ZCWPW2: variants seen among roughly 807,000 people sequenced by gnomAD.
ZCWPW2 encodes zinc finger CW-type PWWP domain protein 2.
A neutral mutation model predicts 46.6 loss-of-function variants in ZCWPW2; 45 were observed. The ratio of observed to expected loss-of-function variants is 0.96; its 90% CI spans 0.76 to 1.24. ZCWPW2 has a LOEUF of 1.24. Among genes scored for constraint, ZCWPW2 ranks in the 50% most tolerant of loss-of-function variants. The pLI, the probability that ZCWPW2 is intolerant of heterozygous loss-of-function variation, is 0.00. For synonymous variants in ZCWPW2, 152 were observed against 137.1 expected, an observed-to-expected ratio of 1.11 and a Z score of -0.76; for missense variants, 429 against 403.9, an observed-to-expected ratio of 1.06 and a Z score of -0.53.
At position 28,387,352 on chromosome 3, in the gene ZCWPW2, A is replaced by G. The variant is rs1018400947; in HGVS notation, c.-133-3146A>G. Among the ~76,000 whole-genome samples, 3 of 152,130 alleles carry G rather than the reference A, an allele frequency of 2.0e-5. No homozygotes were observed. In the South Asian group the frequency reaches 6.2e-4, roughly 32 times the overall value. On this transcript the variant is annotated intron_variant, in intron 1 of 9. Transcript: ENST00000383768. ...AGATCTGAGGGTACTATTTTTTTAA[A>G]AAATTATATATTTTAGAAGATATGA...
chr3:28,449,086 G>T (rs114091978), intron 4 of ZCWPW2, among the ~76,000 whole-genome samples: 1 of 152,066 alleles, frequency 6.6e-6, no homozygotes, highest in African/African-American at 2.4e-5. Context: ...AAATTCTCAC[G>T]TAAATAGTCA....
At chr3:28,477,923 G>C (rs769535234) in intron 4 of ZCWPW2, among the ~76,000 whole-genome samples, 1 of 151,864 alleles carries the variant, frequency 6.6e-6, no homozygotes, top group Non-Finnish European at 1.5e-5. Flanking sequence ...AACATTATTG[G>C]ACTAGGTCAA....
At chr3:28,397,758 TA>T (rs1695762451) in intron 2 of ZCWPW2, among the ~76,000 whole-genome samples, 1 of 152,216 alleles carries the variant, frequency 6.6e-6, no homozygotes, top group Non-Finnish European at 1.5e-5. Context: ...AGACTTTTCT[TA>T]CTTTTTATTT....
intron 2 of ZCWPW2, among the ~76,000 whole-genome samples, chr3:28,395,907 T>A (rs537072263): frequency 1.3e-5 from 2 of 152,202 alleles, no homozygotes; most frequent in Non-Finnish European, 2.9e-5. Flanking sequence ...TCAGAAAAAA[T>A]AATAGATAAC....
intron 6 of ZCWPW2, among the ~76,000 whole-genome samples, chr3:28,507,874 TA>T (rs935988139): frequency 1.3e-5 from 2 of 152,120 alleles, no homozygotes; most frequent in African/African-American, 2.4e-5. Context: ...TTAAGAGAGG[TA>T]AAAAAACCCT....
intron 1 of ZCWPW2, among the ~76,000 whole-genome samples, chr3:28,374,947 C>T (rs559401248): frequency 1.5e-4 from 23 of 149,516 alleles, no homozygotes; most frequent in African/African-American, 3.0e-4. Context: ...TATTATATTA[C>T]GGTCTCTCTC....
chr3:28,484,181 TC>T (rs1481185424), intron 5 of ZCWPW2, among the ~76,000 whole-genome samples: 1 of 152,100 alleles, frequency 6.6e-6, no homozygotes, highest in Non-Finnish European at 1.5e-5. Flanking sequence ...TTTTTTTTTT[TC>T]ATACGCTTTT....
At chr3:28,377,589 A>G (rs1036371625) in intron 1 of ZCWPW2, among the ~76,000 whole-genome samples, 56 of 152,214 alleles carry the variant, frequency 3.7e-4, no homozygotes, top group African/African-American at 1.3e-3. Context: ...TATGACTTCC[A>G]TGACAATATA....
chr3:28,426,253 A>T (rs1466306216), intron 3 of ZCWPW2, among the ~76,000 whole-genome samples: 3 of 151,950 alleles, frequency 2.0e-5, no homozygotes, highest in Non-Finnish European at 2.9e-5. Flanking sequence ...TGTTTTTTTA[A>T]AAATTGATCA....
chr3:28,455,459 C>A (rs982052306), intron 4 of ZCWPW2, among the ~76,000 whole-genome samples: 1 of 152,078 alleles, frequency 6.6e-6, no homozygotes, highest in African/African-American at 2.4e-5. Flanking sequence ...TTGATAGTTT[C>A]TTTTGCTGTA....
chr3:28,354,058 G>A (rs2125686479), intron 1 of ZCWPW2, among the ~76,000 whole-genome samples: 1 of 152,226 alleles, frequency 6.6e-6, no homozygotes, highest in South Asian at 2.1e-4. Flanking sequence ...GATGAAATAG[G>A]CAAAATGGCT....
chr3:28,524,828 T>C lies in ZCWPW2; in HGVS notation c.*140T>C. ...TTTGCGGTAACTTTCTACTTCATAT[T>C]TTGAGAATGGCCATGATTTTTAGAG... On this transcript the variant is annotated 3_prime_UTR_variant, in exon 10 of 10. Coordinates refer to ENST00000383768, the MANE Select transcript of ZCWPW2 (RefSeq NM_001040432.4). The C allele has an allele frequency of 4.3e-6, 3 of 695,734 alleles. No individual in the cohort carries two copies. Among genetic ancestry groups the C allele is most frequent in the Non-Finnish European group, 6.0e-6 (3 of 499,938 alleles). 43.1% of individuals were successfully genotyped at this position (695,734 alleles called of 1,614,324 possible).
rs550774000 is a variant in ZCWPW2, at chr3:28,369,530, G to A, written c.-134+20327G>A. Among the ~76,000 whole-genome samples, 3 of 152,282 alleles carry A rather than the reference G, an allele frequency of 2.0e-5. No homozygotes were observed. In the South Asian group the frequency reaches 6.2e-4, roughly 32 times the overall value. On this transcript the variant is annotated intron_variant, in intron 1 of 9. Transcript: ENST00000383768. Reference sequence around the variant, plus strand: ...ATTCCTCTGGAAGTTTTGTCTCAGAGGAGTACCCGGCCATTGTGAGGTGTC... The same window carrying A: ...ATTCCTCTGGAAGTTTTGTCTCAGAAGAGTACCCGGCCATTGTGAGGTGTC...
intron 1 of ZCWPW2, among the ~76,000 whole-genome samples, chr3:28,362,069 A>G (rs1704962963): frequency 6.6e-6 from 1 of 152,188 alleles, no homozygotes; most frequent in Non-Finnish European, 1.5e-5. Flanking sequence ...AGATATCTAT[A>G]TTCTCGTGTT....
chr3:28,411,616 G>A (rs1170789047), intron 2 of ZCWPW2, among the ~76,000 whole-genome samples: 5 of 152,018 alleles, frequency 3.3e-5, no homozygotes, highest in African/African-American at 1.2e-4. Flanking sequence ...CTAGCAAAGG[G>A]CAGAGACTCT....
chr3:28,425,094 T>G (rs1166675647), intron 3 of ZCWPW2, among the ~76,000 whole-genome samples: 3 of 152,220 alleles, frequency 2.0e-5, no homozygotes, highest in African/African-American at 7.2e-5. Flanking sequence ...AATTTTCTTT[T>G]GCAGTGTTGT....
intron 4 of ZCWPW2, among the ~76,000 whole-genome samples, chr3:28,444,038 T>C (rs1302769027): frequency 2.0e-5 from 3 of 152,144 alleles, no homozygotes; most frequent in Non-Finnish European, 4.4e-5. Context: ...ATTAGAACCT[T>C]TTTTTAACTC....
rs1434016981 is a variant in ZCWPW2 at position 28,514,129 on chromosome 3, T to C, written c.716+7T>C. On this transcript the variant is annotated splice_region_variant and intron_variant, in intron 7 of 9. Transcript: ENST00000383768. ...AATTTAGAAAAAGGAAAAGGTATGCTTTTTGAAATTAAATAGTATTATGAT... is the reference window on the plus strand; with the variant it reads ...AATTTAGAAAAAGGAAAAGGTATGCCTTTTGAAATTAAATAGTATTATGAT... The C allele has an allele frequency of 1.4e-6, 2 of 1,454,886 alleles. No individual in the cohort carries two copies. The highest frequency in any genetic ancestry group is 1.9e-6 in the Non-Finnish European group (2 of 1,064,754). The allele number at this position is 1,454,886 out of a possible 1,614,324, so 90.1% of individuals were successfully genotyped here.
intron 4 of ZCWPW2, among the ~76,000 whole-genome samples, chr3:28,438,104 C>T (rs1356010187): frequency 6.6e-6 from 1 of 152,192 alleles, no homozygotes; most frequent in Non-Finnish European, 1.5e-5. Context: ...TTGCACATAG[C>T]TTACAGGAGC....
Sources: allele counts gnomAD v4.1 joint callset (sites outside exome capture counted in the v4.1 genomes callset), GRCh38; gene constraint gnomAD v4.1.1; transcripts MANE v1.5; gene names NCBI Gene and HGNC (gene_info 2026-07-23, HGNC 2026-07-21).